WWTR1: variants seen among roughly 807,000 people sequenced by gnomAD.
WWTR1 encodes the protein WW domain-containing transcription regulator protein 1.
Under a neutral mutation model 40.1 loss-of-function variants are expected in WWTR1, and 13 were observed. The observed-to-expected ratio is 0.32, with a 90% CI of 0.21 to 0.52. The LOEUF (loss-of-function observed/expected upper bound fraction) is 0.52, where lower values mean the gene tolerates loss of function less well. Among genes scored for constraint, WWTR1 ranks in the 20% least tolerant of loss-of-function variants. WWTR1 has a pLI of 0.97. For synonymous variants in WWTR1, 230 were observed against 210.1 expected (o/e 1.09, Z -0.82); for missense variants, 436 against 523.1 (o/e 0.83, Z 1.63).
rs1375170326 is a variant in WWTR1, at chr3:149,657,027, G to A, written c.280C>T (p.Leu94=). 1.3e-6 allele frequency: 2 copies of A among 1,590,922 alleles called. No individual in the cohort carries two copies. Among genetic ancestry groups the A allele is most frequent in the South Asian group, 1.1e-5 (1 of 89,774 alleles). Residue 94 remains leucine (L), a synonymous_variant, in exon 2 of 7, where the codon CTG becomes TTG. Coordinates refer to ENST00000360632, the MANE Select transcript of WWTR1 (RefSeq NM_015472.6). ...GCACCCGCGCCGGTGCCCAGCTGCA[G>A]GGACGCGGGCGACGAGTGCGAGCGG... ...HVRSHSSPAS[L]QLGTGAGAAG...
At chr3:149,641,489 A>T (rs941008692) in intron 2 of WWTR1, among the ~76,000 whole-genome samples, 1 of 152,224 alleles carries the variant, frequency 6.6e-6, no homozygotes, top group Non-Finnish European at 1.5e-5. Context: ...GCAACTGGGA[A>T]ATTTGAGTCC....
chr3:149,642,963 G>A (rs558710937), intron 2 of WWTR1, among the ~76,000 whole-genome samples: 3 of 152,122 alleles, frequency 2.0e-5, no homozygotes, highest in Admixed American at 6.5e-5. Flanking sequence ...TCTTAATCCC[G>A]CCTACTAAAT....
At chr3:149,541,326 G>C (rs533582805) in intron 4 of WWTR1, among the ~76,000 whole-genome samples, 408 of 152,320 alleles carry the variant, frequency 2.7e-3, no homozygotes, top group Non-Finnish European at 4.4e-3. Flanking sequence ...GAATTCTCTT[G>C]TATTCGTTTT....
intron 2 of WWTR1, among the ~76,000 whole-genome samples, chr3:149,647,473 A>G (rs1180382779): frequency 6.6e-6 from 1 of 152,178 alleles, no homozygotes; most frequent in Non-Finnish European, 1.5e-5. Flanking sequence ...GTCTGTGTCT[A>G]GTTGATCAGC....
intron 1 of WWTR1, among the ~76,000 whole-genome samples, chr3:149,670,427 T>C (rs887746707): frequency 6.6e-6 from 1 of 152,106 alleles, no homozygotes; most frequent in Admixed American, 6.5e-5. Flanking sequence ...AACTGCTATT[T>C]ATCCTCTTCC....
At chr3:149,526,412 A>T (rs1735313945) in intron 5 of WWTR1, among the ~76,000 whole-genome samples, 1 of 126,448 alleles carries the variant, frequency 7.9e-6, no homozygotes. Context: ...GTAAAACTTT[A>T]AAAAAAAAAA....
chr3:149,678,440 C>G (rs907029489), intron 1 of WWTR1, among the ~76,000 whole-genome samples: 1 of 152,136 alleles, frequency 6.6e-6, no homozygotes, highest in African/African-American at 2.4e-5. Context: ...GCCAGTAGTA[C>G]ATTCTGCTTA....
intron 4 of WWTR1, among the ~76,000 whole-genome samples, chr3:149,530,817 C>T (rs1256491226): frequency 1.3e-5 from 2 of 152,156 alleles, no homozygotes; most frequent in Non-Finnish European, 2.9e-5. Context: ...ATCACCAAGT[C>T]ATCCTAAGGG....
intron 3 of WWTR1, among the ~76,000 whole-genome samples, chr3:149,549,981 CTAAT>C (rs1414471580): frequency 3.3e-5 from 5 of 152,168 alleles, no homozygotes; most frequent in African/African-American, 1.2e-4. Context: ...AACTGGCTCA[CTAAT>C]TATAACAAAT....
At chr3:149,568,193 C>T (rs1737424297) in intron 3 of WWTR1, among the ~76,000 whole-genome samples, 1 of 152,032 alleles carries the variant, frequency 6.6e-6, no homozygotes, top group South Asian at 2.1e-4. Flanking sequence ...CGAGACCACC[C>T]TGGCCAACAT....
At chr3:149,583,129 C>T (rs1444607868) in intron 2 of WWTR1, among the ~76,000 whole-genome samples, 3 of 152,074 alleles carry the variant, frequency 2.0e-5, no homozygotes, top group South Asian at 2.1e-4. Context: ...CCACACCTGA[C>T]GAATTTTTGT....
upstream of WWTR1, among the ~76,000 whole-genome samples, chr3:149,707,026 TTC>T (rs1433214780): frequency 6.6e-6 from 1 of 152,208 alleles, no homozygotes; most frequent in Non-Finnish European, 1.5e-5. Flanking sequence ...GTTTCCATTG[TTC>T]TCAGATGGGC....
intron 6 of WWTR1, among the ~76,000 whole-genome samples, chr3:149,524,278 C>CTTGAGGTTA (rs1339049866): frequency 6.6e-6 from 1 of 150,628 alleles, no homozygotes; most frequent in African/African-American, 2.4e-5. Flanking sequence ...TACTTACCCA[C>CTTGAGGTTA]TTGAGGTTAT....
At chr3:149,548,048 A>G (rs1278832697) in intron 3 of WWTR1, among the ~76,000 whole-genome samples, 3 of 108,696 alleles carry the variant, frequency 2.8e-5, no homozygotes, top group Non-Finnish European at 5.1e-5. Context: ...AACAGTCAAC[A>G]CGGGAATGGG....
chr3:149,690,105 C>A (rs931732939), intron 1 of WWTR1, among the ~76,000 whole-genome samples: 6 of 151,750 alleles, frequency 4.0e-5, no homozygotes, highest in African/African-American at 7.3e-5. Flanking sequence ...CTCATGGTAA[C>A]CTTGAATTAA....
intron 3 of WWTR1, among the ~76,000 whole-genome samples, chr3:149,549,052 A>G (rs921356875): frequency 6.6e-6 from 1 of 152,242 alleles, no homozygotes; most frequent in Admixed American, 6.5e-5. Context: ...TGAACAGATA[A>G]TTAAACAAAT....
At chr3:149,532,613 G>A (rs530523411) in intron 4 of WWTR1, among the ~76,000 whole-genome samples, 1 of 152,154 alleles carries the variant, frequency 6.6e-6, no homozygotes, top group East Asian at 1.9e-4. Flanking sequence ...TCCAACTCAT[G>A]AACTGAAAGA....
At chr3:149,553,334 T>C (rs1736692037) in intron 3 of WWTR1, among the ~76,000 whole-genome samples, 1 of 152,182 alleles carries the variant, frequency 6.6e-6, no homozygotes, top group South Asian at 2.1e-4. Context: ...ATAAGTTAAA[T>C]TTGGTGATGA....
At chr3:149,671,748 C>A (rs1029701871) in intron 1 of WWTR1, among the ~76,000 whole-genome samples, 2 of 151,954 alleles carry the variant, frequency 1.3e-5, no homozygotes, top group African/African-American at 4.8e-5. Flanking sequence ...TATTTTTATT[C>A]TACTTCTACA....
Sources: allele counts gnomAD v4.1 joint callset (sites outside exome capture counted in the v4.1 genomes callset), GRCh38; gene constraint gnomAD v4.1.1; transcripts MANE v1.5; gene names NCBI Gene and HGNC (gene_info 2026-07-23, HGNC 2026-07-21).